EML6: variants seen among roughly 807,000 people sequenced by gnomAD.
EML6 encodes echinoderm microtubule-associated protein-like 6.
In EML6, 154 loss-of-function variants were observed where a neutral mutation model predicts 240.1. That is an observed-to-expected ratio of 0.64 (90% CI 0.56 to 0.73). The LOEUF is 0.73. EML6 is among the 30% of genes least tolerant of loss of function. The pLI is 0.00. For synonymous variants in EML6, 1,148 were observed against 899.0 expected, an observed-to-expected ratio of 1.28 and a Z score of -4.95; for missense variants, 2,964 against 2,474.6, an observed-to-expected ratio of 1.20 and a Z score of -4.20.
chr2:54,889,321 CCA>C (rs1295679998), intron 17 of EML6, among the ~76,000 whole-genome samples: 3 of 151,832 alleles, frequency 2.0e-5, no homozygotes, highest in Non-Finnish European at 4.4e-5. Flanking sequence ...TTGTCTAACT[CCA>C]GATTAAACAC....
intron 10 of EML6, among the ~76,000 whole-genome samples, chr2:54,851,543 A>G (rs1486616778): frequency 6.6e-6 from 1 of 152,224 alleles, no homozygotes; most frequent in East Asian, 1.9e-4. Context: ...ACACTTGTAC[A>G]CTATAGTAGT....
At chr2:54,841,892 C>CT (rs1669479035) in intron 7 of EML6, among the ~76,000 whole-genome samples, 2 of 151,418 alleles carry the variant, frequency 1.3e-5, no homozygotes, top group Admixed American at 1.3e-4. Flanking sequence ...CGTGCCTTGC[C>CT]ATTTTTTTTT....
Position 54,844,172 on chromosome 2 carries a change from G to T in EML6, c.973G>T (p.Glu325Ter). 6.4e-7 allele frequency: 1 copy of T among 1,551,712 alleles called. No individual in the cohort carries two copies. The highest frequency in any genetic ancestry group is 8.7e-7 in the Non-Finnish European group (1 of 1,146,980). The part of the protein sequence containing the change: ...KPMLILQGHC[E>*]GELWALALHP... The stretch of plus-strand genomic sequence containing the variant: ...GATGTTGATCCTACAGGGCCACTGC[G>T]AGGGTGAGCTCTGGGCTCTGGCCCT... The change falls in exon 8 of 42, where the codon GAG (glutamate) becomes TAG (stop). Residue 325 changes from glutamate (E) to a stop codon, truncating the protein, a stop_gained. Transcript: ENST00000356458. LOFTEE classifies it high-confidence loss of function.
chr2:54,728,945 T>A (rs1056075607), intron 2 of EML6, among the ~76,000 whole-genome samples: 7 of 152,314 alleles, frequency 4.6e-5, no homozygotes, highest in African/African-American at 1.4e-4. Flanking sequence ...TCTTCCCCGC[T>A]GGCCCTTCTC....
At chr2:54,893,839 G>A (rs991523984) in intron 19 of EML6, among the ~76,000 whole-genome samples, 1 of 151,934 alleles carries the variant, frequency 6.6e-6, no homozygotes, top group African/African-American at 2.4e-5. Flanking sequence ...CAAAGGTGTT[G>A]TTTTGTTTTG....
At chr2:54,792,788 A>AT (rs1669524612) in intron 2 of EML6, among the ~76,000 whole-genome samples, 2 of 152,218 alleles carry the variant, frequency 1.3e-5, no homozygotes, top group Non-Finnish European at 2.9e-5. Context: ...GAAATACGAC[A>AT]TTGTTCACAA....
chr2:54,808,037 C>T (rs375366354), intron 2 of EML6, among the ~76,000 whole-genome samples: 2 of 152,138 alleles, frequency 1.3e-5, no homozygotes, highest in African/African-American at 4.8e-5. Flanking sequence ...TTTTAGGGAC[C>T]CCCCCTGCTT....
rs1311397787 is a variant in EML6 at position 54,895,412 on chromosome 2, A to G, written c.2982+12A>G. 2.6e-6 allele frequency: 4 copies of G among 1,551,638 alleles called. No homozygotes were observed. The highest frequency in any genetic ancestry group is 3.5e-6 in the Non-Finnish European group (4 of 1,146,802). ...CACTGCTTGTTCAGGTACTGTTTGT[A>G]TGTATTCTAAACTGCAGTTCACATC... is the stretch of plus-strand genomic sequence containing the variant. On this transcript the variant is annotated intron_variant, in intron 21 of 41. Transcript: ENST00000356458.
At chr2:54,963,311 C>G (rs899234741) in intron 36 of EML6, among the ~76,000 whole-genome samples, 2 of 152,186 alleles carry the variant, frequency 1.3e-5, no homozygotes, top group African/African-American at 4.8e-5. Flanking sequence ...AGTATGGTTG[C>G]TAGACTTTTA....
intron 24 of EML6, among the ~76,000 whole-genome samples, chr2:54,907,945 TAAGATAGATAGATAGA>T (rs1253829934): frequency 4.5e-5 from 1 of 22,078 alleles, no homozygotes; most frequent in African/African-American, 1.8e-4. Flanking sequence ...GATAGATAGA[TAAGATAGATAGATAGA>T]TAGATAGATA....
At chr2:54,900,721 C>T (rs990597704) in intron 22 of EML6, among the ~76,000 whole-genome samples, 3 of 152,176 alleles carry the variant, frequency 2.0e-5, no homozygotes, top group African/African-American at 7.2e-5. Flanking sequence ...CAAAGTCAAC[C>T]TGAAACCAGA....
At chr2:54,845,920 G>T (rs1024092603) in intron 8 of EML6, among the ~76,000 whole-genome samples, 2 of 152,182 alleles carry the variant, frequency 1.3e-5, no homozygotes, top group Non-Finnish European at 2.9e-5. Context: ...GTTATCAGAA[G>T]ACTATATTTT....
At chr2:54,904,935 C>T (rs143344188) in intron 24 of EML6, among the ~76,000 whole-genome samples, 1 of 152,326 alleles carries the variant, frequency 6.6e-6, no homozygotes, top group Non-Finnish European at 1.5e-5. Context: ...ATACTTGCCA[C>T]ACTGGAATTT....
intron 25 of EML6, among the ~76,000 whole-genome samples, chr2:54,912,078 C>G (rs1314160561): frequency 6.6e-6 from 1 of 152,222 alleles, no homozygotes; most frequent in African/African-American, 2.4e-5. Context: ...TTGCCAGTAT[C>G]TTAAACTGTC....
At chr2:54,741,208 G>C (rs1449475342) in intron 2 of EML6, among the ~76,000 whole-genome samples, 1 of 152,030 alleles carries the variant, frequency 6.6e-6, no homozygotes, top group African/African-American at 2.4e-5. Flanking sequence ...CTTCTGCCCT[G>C]GTCCACATCC....
At chr2:54,784,777 A>G (rs2103866733) in intron 2 of EML6, among the ~76,000 whole-genome samples, 1 of 152,324 alleles carries the variant, frequency 6.6e-6, no homozygotes, top group South Asian at 2.1e-4. Context: ...TCAACCCATC[A>G]TCGAGGTATT....
In EML6 at chr2:54,763,772, G is replaced by T. The variant is rs187005059; in HGVS notation, c.197+38514G>T. On this transcript the variant is annotated intron_variant, in intron 2 of 41. Transcript: ENST00000356458. Reference sequence around the variant, plus strand: ...TTTCATCGGAAAACAGCTTCAGCAGGCCTGGCAGGGTAGGGTGAGGGTTTG... The same window carrying T: ...TTTCATCGGAAAACAGCTTCAGCAGTCCTGGCAGGGTAGGGTGAGGGTTTG... 7.2e-5 allele frequency among the ~76,000 whole-genome samples: 11 copies of T among 152,322 alleles called. No homozygotes were observed. The East Asian group carries it at 1.9e-3, about 27-fold the overall frequency.
intron 2 of EML6, among the ~76,000 whole-genome samples, chr2:54,787,515 T>G (rs1484978332): frequency 6.6e-6 from 1 of 152,240 alleles, no homozygotes; most frequent in Non-Finnish European, 1.5e-5. Flanking sequence ...TAAAGAGAGA[T>G]AAGTTTGTTT....
At chr2:54,839,374 C>T (rs759344755) in intron 7 of EML6, among the ~76,000 whole-genome samples, 8 of 152,150 alleles carry the variant, frequency 5.3e-5, no homozygotes, top group Non-Finnish European at 8.8e-5. Flanking sequence ...TGAGAGTGAC[C>T]TGGTATTGTA....
Sources: gnomAD v4.1 joint callset for allele counts (sites outside exome capture counted in the v4.1 genomes callset) on GRCh38, gnomAD v4.1.1 for gene constraint, MANE v1.5 for transcripts, NCBI Gene and HGNC (gene_info 2026-07-23, HGNC 2026-07-21) for gene names.